JAK2: variants seen among roughly 807,000 people sequenced by gnomAD.
The protein encoded by JAK2 is tyrosine-protein kinase JAK2.
A neutral mutation model predicts 139.3 loss-of-function variants in JAK2; 86 were observed. That is an observed-to-expected ratio of 0.62 (90% CI 0.52 to 0.74). The LOEUF (loss-of-function observed/expected upper bound fraction) is 0.74, where lower values mean the gene tolerates loss of function less well. JAK2 is among the 30% of genes least tolerant of loss of function. JAK2 has a pLI of 0.00. For missense variants in JAK2, 1,421 were observed against 1,360.3 expected (o/e 1.04, Z -0.70); for synonymous variants, 490 against 437.7 (o/e 1.12, Z -1.49).
At chr9:5,063,636 T>C (rs552474781) in intron 8 of JAK2, among the ~76,000 whole-genome samples, 1 of 152,200 alleles carries the variant, frequency 6.6e-6, no homozygotes, top group African/African-American at 2.4e-5. Context: ...ATTTTTATGA[T>C]ATTGAATTTT....
intron 22 of JAK2, among the ~76,000 whole-genome samples, chr9:5,102,651 G>A (rs1041895154): frequency 2.0e-5 from 3 of 152,110 alleles, no homozygotes; most frequent in African/African-American, 7.2e-5. Flanking sequence ...GAGAAATGTC[G>A]GGTTGCCCAC....
chr9:5,129,398 A>C lies in JAK2; in HGVS notation c.*2607A>C, dbSNP rs568306375. Among the ~76,000 whole-genome samples the C allele has an allele frequency of 1.9e-4, 29 of 152,218 alleles. No homozygotes were observed. The highest frequency in any genetic ancestry group is 6.3e-4 in the African/African-American group (26 of 41,544). On this transcript the variant is annotated 3_prime_UTR_variant, in exon 25 of 25. Transcript: ENST00000381652. ...CAGTTTTTAAGAAATGCTTCCTACA[A>C]CTGCTGTCAACCACTGTATTGTCTT...
chr9:5,014,913 C>G (rs920277163), intron 2 of JAK2, among the ~76,000 whole-genome samples: 2 of 148,862 alleles, frequency 1.3e-5, no homozygotes, highest in African/African-American at 5.0e-5. Flanking sequence ...TTAACATTTC[C>G]TTGATTTTTT....
intron 19 of JAK2, chr9:5,085,917 C>T (rs1006895285): frequency 1.9e-6 from 2 of 1,037,102 alleles, no homozygotes; most frequent in Non-Finnish European, 3.0e-6. Context: ...CTCATACAGA[C>T]CTTTCAAGTC....
intron 2 of JAK2, among the ~76,000 whole-genome samples, chr9:4,993,009 C>T (rs1020818177): frequency 1.3e-5 from 2 of 152,190 alleles, no homozygotes; most frequent in Non-Finnish European, 2.9e-5. Context: ...GTAAGAGTAG[C>T]TTTCTGAGCT....
At chr9:5,126,022 T>C (rs1048454911) in intron 23 of JAK2, 1 of 189,188 alleles carries the variant, frequency 5.3e-6, no homozygotes, top group Non-Finnish European at 1.1e-5. Flanking sequence ...TCAATTGAAA[T>C]GTAATATGAT....
chr9:5,107,162 T>A (rs2130778318), intron 22 of JAK2, among the ~76,000 whole-genome samples: 1 of 152,248 alleles, frequency 6.6e-6, no homozygotes, highest in East Asian at 1.9e-4. Flanking sequence ...TCCTACTCTT[T>A]TAGTATAAAG....
At chr9:5,088,205 A>T (rs535863585) in intron 19 of JAK2, among the ~76,000 whole-genome samples, 44 of 152,272 alleles carry the variant, frequency 2.9e-4, no homozygotes, top group Non-Finnish European at 5.9e-4. Flanking sequence ...TCTAGTTCCA[A>T]TCTGACTTGA....
intron 20 of JAK2, among the ~76,000 whole-genome samples, 153 bp from the exon 21 acceptor site, chr9:5,090,293 T>C (rs553648785): frequency 6.6e-6 from 1 of 152,348 alleles, no homozygotes; most frequent in East Asian, 1.9e-4. Flanking sequence ...AAAAAGACTA[T>C]GTTCTTAACA....
chr9:5,087,659 T>A (rs1201619949), intron 19 of JAK2, among the ~76,000 whole-genome samples: 2 of 152,228 alleles, frequency 1.3e-5, no homozygotes, highest in Admixed American at 1.3e-4. Context: ...AGTATAATGA[T>A]CATTGTTGGC....
chr9:5,072,747 C>A, intron 13 of JAK2, 121 bp downstream of exon 13: 1 of 619,960 alleles, frequency 1.6e-6, no homozygotes, highest in Non-Finnish European at 2.5e-6. Flanking sequence ...GTGTCAAGGA[C>A]TTTTCTGAGG....
chr9:5,116,073 AAC>A (rs1392090589), intron 22 of JAK2, among the ~76,000 whole-genome samples: 1 of 152,194 alleles, frequency 6.6e-6, no homozygotes, highest in Non-Finnish European at 1.5e-5. Context: ...TTAAAAAAAA[AAC>A]AGTGAACATT....
At chr9:5,117,985 AT>A (rs950998210) in intron 22 of JAK2, among the ~76,000 whole-genome samples, 7 of 152,194 alleles carry the variant, frequency 4.6e-5, no homozygotes, top group Non-Finnish European at 1.0e-4. Flanking sequence ...TTGATAGCTA[AT>A]TTTTTTCTTT....
chr9:5,045,732 A>T (rs1816963885), intron 5 of JAK2, among the ~76,000 whole-genome samples: 1 of 152,208 alleles, frequency 6.6e-6, no homozygotes, highest in South Asian at 2.1e-4. Flanking sequence ...TCCATGTTGT[A>T]GCATGTGCCA....
intron 22 of JAK2, chr9:5,114,613 T>C: frequency 2.1e-6 from 1 of 487,246 alleles, no homozygotes; most frequent in East Asian, 5.6e-5. Flanking sequence ...TACAACGAGG[T>C]GCAGCTCCCG....
At chr9:5,006,682 C>G (rs896875521) in intron 2 of JAK2, among the ~76,000 whole-genome samples, 1 of 152,124 alleles carries the variant, frequency 6.6e-6, no homozygotes, top group South Asian at 2.1e-4. Context: ...ATAACCAGAT[C>G]TCATGCAAAC....
intron 15 of JAK2, 148 bp downstream of exon 15, chr9:5,077,728 C>T (rs1039006399): frequency 6.5e-6 from 3 of 464,370 alleles, no homozygotes; most frequent in South Asian, 7.5e-5. Flanking sequence ...AAAGAGATTA[C>T]TTTAGGCATA....
intron 5 of JAK2, among the ~76,000 whole-genome samples, chr9:5,050,332 G>T (rs187880214): frequency 6.6e-6 from 1 of 152,288 alleles, no homozygotes; most frequent in Admixed American, 6.5e-5. Flanking sequence ...GTCTTGGTCT[G>T]TTACCCAGAC....
At chr9:5,094,376 G>C (rs373048869) in intron 22 of JAK2, 1 of 151,730 alleles carries the variant, frequency 6.6e-6, no homozygotes. Context: ...TTTAATATAG[G>C]CCTCTTATTT....
Sources: allele counts gnomAD v4.1 joint callset (sites outside exome capture counted in the v4.1 genomes callset), GRCh38; gene constraint gnomAD v4.1.1; transcripts MANE v1.5; gene names NCBI Gene and HGNC (gene_info 2026-07-23, HGNC 2026-07-21).